Variants in INPP5F observed in about 807,000 individuals in gnomAD.
The protein encoded by INPP5F is phosphatidylinositide 4-phosphatase SAC2.
INPP5F carries 97 observed loss-of-function variants against 137.2 expected under a neutral mutation model. That is an observed-to-expected ratio of 0.71 (90% CI 0.60 to 0.84). The LOEUF (loss-of-function observed/expected upper bound fraction) is 0.84, where lower values mean the gene tolerates loss of function less well. INPP5F is among the 40% of genes least tolerant of loss of function. INPP5F has a pLI of 0.00. For missense variants in INPP5F, 1,271 were observed against 1,371.9 expected, an observed-to-expected ratio of 0.93 and a Z score of 1.16; for synonymous variants, 504 against 476.9, an observed-to-expected ratio of 1.06 and a Z score of -0.74.
At chr10:119,785,571 A>AGAGG (rs1386851921) in intron 3 of INPP5F, among the ~76,000 whole-genome samples, 11 of 151,220 alleles carry the variant, frequency 7.3e-5, no homozygotes, top group Admixed American at 7.2e-4. Context: ...AGAGAGAGAG[A>AGAGG]GAGAGAGACT....
chr10:119,803,906 T>A (rs1589733975), intron 9 of INPP5F, among the ~76,000 whole-genome samples: 1 of 152,352 alleles, frequency 6.6e-6, no homozygotes, highest in African/African-American at 2.4e-5. Context: ...TATTTCATTC[T>A]AATTGGTTAT....
At chr10:119,824,015 A>AT (rs1851668130) in intron 19 of INPP5F, 113 bp downstream of exon 19, 1 of 689,140 alleles carries the variant, frequency 1.5e-6, no homozygotes, top group African/African-American at 1.8e-5. Flanking sequence ...AGGTGTTGGT[A>AT]TTTAGAGAGG....
At chr10:119,756,390 C>G (rs917210888) in intron 2 of INPP5F, among the ~76,000 whole-genome samples, 5 of 152,084 alleles carry the variant, frequency 3.3e-5, no homozygotes, top group African/African-American at 1.2e-4. Context: ...AATCCCAGCA[C>G]TTTGGGAGGT....
chr10:119,779,593 A>C (rs1009567984), intron 2 of INPP5F, among the ~76,000 whole-genome samples: 2 of 151,462 alleles, frequency 1.3e-5, no homozygotes, highest in South Asian at 4.2e-4. Context: ...CTAATTCTTT[A>C]ATTTTTTGTA....
chr10:119,785,286 G>GTTGTTTTTTTTTTTTTTTTTT (rs770290302), intron 3 of INPP5F, among the ~76,000 whole-genome samples: 4 of 106,236 alleles, frequency 3.8e-5, no homozygotes, highest in African/African-American at 1.5e-4. Context: ...CTGCCAGACT[G>GTTGTTTTTTTTTTTTTTTTTT]TTTTTTTTTT....
At chr10:119,797,422 T>C (rs910715167) in intron 7 of INPP5F, 39 bp from the exon 8 acceptor site, 2 of 1,488,526 alleles carry the variant, frequency 1.3e-6, no homozygotes, top group Non-Finnish European at 1.8e-6. Context: ...AAATAAATTT[T>C]TTAAAATGTT....
intron 2 of INPP5F, among the ~76,000 whole-genome samples, chr10:119,753,077 A>T (rs532937421): frequency 6.6e-6 from 1 of 152,298 alleles, no homozygotes; most frequent in Admixed American, 6.5e-5. Context: ...GTAACCATGT[A>T]ACCAAGTATT....
chr10:119,754,812 G>GC (rs1848790634), intron 2 of INPP5F, among the ~76,000 whole-genome samples: 1 of 151,504 alleles, frequency 6.6e-6, no homozygotes, highest in Non-Finnish European at 1.5e-5. Flanking sequence ...TCCTCTCCCT[G>GC]CCCCCGATTA....
rs759434252 is a variant in INPP5F at position 119,827,636 on chromosome 10, C to G, written c.3255C>G (p.Thr1085=). The change falls in exon 20 of 20, where the codon ACC becomes ACG. Residue 1085 remains threonine (T), a synonymous_variant. Transcript: ENST00000650623. ...RSSMVQVASI[T]QAGLTHGINF... ...CCATGGTCCAGGTTGCTAGTATTAC[C>G]CAAGCTGGATTAACCCATGGGATAA... 13 of 1,613,978 alleles carry G rather than the reference C, an allele frequency of 8.1e-6. No individual in the cohort carries two copies. In the African/African-American group the frequency reaches 1.3e-4, roughly 17 times the overall value.
Position 119,792,341 on chromosome 10 carries a change from G to A in INPP5F, c.669+128G>A, listed in dbSNP as rs913691512. The A allele has an allele frequency of 2.0e-4, 140 of 703,822 alleles. 1 individual carries two copies. The highest frequency in any genetic ancestry group is 3.0e-4 in the Non-Finnish European group (130 of 428,440). 43.6% of individuals were successfully genotyped at this position (703,822 alleles called of 1,614,324 possible). On this transcript the variant is annotated intron_variant, in intron 6 of 19. Coordinates refer to ENST00000650623, the MANE Select transcript of INPP5F (RefSeq NM_014937.4). Reference sequence around the variant, plus strand: ...AAGATACATTTTTAAAGATCACTACGTTTTCCCCTATGGAATGGGAATCAT... The same window carrying A: ...AAGATACATTTTTAAAGATCACTACATTTTCCCCTATGGAATGGGAATCAT...
intron 2 of INPP5F, among the ~76,000 whole-genome samples, chr10:119,765,664 G>A (rs960945751): frequency 6.0e-5 from 9 of 150,708 alleles, no homozygotes; most frequent in African/African-American, 2.2e-4. Flanking sequence ...TTACGGGTGT[G>A]AGCCACTGTG....
At chr10:119,825,794 C>T (rs376468225) in intron 19 of INPP5F, among the ~76,000 whole-genome samples, 35 of 152,196 alleles carry the variant, frequency 2.3e-4, no homozygotes, top group African/African-American at 3.9e-4. Context: ...GCCATTTGGC[C>T]GGAAGAAAAT....
At chr10:119,816,188 T>TG (rs1230472124) in intron 15 of INPP5F, 1 of 152,508 alleles carries the variant, frequency 6.6e-6, no homozygotes, top group East Asian at 1.9e-4. Context: ...GGGTTTAGGC[T>TG]GGGGCACAGG....
intron 18 of INPP5F, 43 bp from the exon 19 acceptor site, chr10:119,823,772 A>T (rs778277404): frequency 2.7e-6 from 4 of 1,456,082 alleles, no homozygotes; most frequent in Admixed American, 3.6e-5. Flanking sequence ...TTTTTTTAGT[A>T]TGTTTATGGA....
At position 119,804,221 on chromosome 10, in the gene INPP5F, G is replaced by A. The variant is rs754521830; in HGVS notation, c.1165G>A (p.Asp389Asn). 5.0e-6 allele frequency: 8 copies of A among 1,611,282 alleles called. No homozygotes were observed. Among genetic ancestry groups the A allele is most frequent in the African/African-American group, 1.3e-5 (1 of 74,978 alleles). ...DQAGREKIIG[D>N]AYLKQVLLFN... ...GGCAGGAAGAGAGAAGATTATTGGCGATGCTTACCTGAAGCAAGTGTTGCT... is the reference window on the plus strand; with the variant it reads ...GGCAGGAAGAGAGAAGATTATTGGCAATGCTTACCTGAAGCAAGTGTTGCT... Residue 389 changes from aspartate to asparagine, a missense_variant, in exon 10 of 20, where the codon GAT becomes AAT. By Grantham distance (23) the Asp-to-Asn change is conservative. Transcript: ENST00000650623.
chr10:119,785,387 A>G (rs1849859661), intron 3 of INPP5F, among the ~76,000 whole-genome samples: 1 of 147,960 alleles, frequency 6.8e-6, no homozygotes, highest in South Asian at 2.2e-4. Flanking sequence ...CCGGGTTCAA[A>G]CGATTCTCCT....
At chr10:119,786,789 G>A (rs1849935174) in intron 3 of INPP5F, among the ~76,000 whole-genome samples, 1 of 151,920 alleles carries the variant, frequency 6.6e-6, no homozygotes, top group African/African-American at 2.4e-5. Context: ...AAAGTGCTGG[G>A]GATTATAGGT....
At chr10:119,747,556 A>T (rs1429799639) in intron 1 of INPP5F, among the ~76,000 whole-genome samples, 1 of 152,240 alleles carries the variant, frequency 6.6e-6, no homozygotes, top group Admixed American at 6.5e-5. Flanking sequence ...TCAAAAAAGA[A>T]ATTCATATGC....
At chr10:119,729,487 A>G (rs559380168) in intron 1 of INPP5F, among the ~76,000 whole-genome samples, 3 of 152,098 alleles carry the variant, frequency 2.0e-5, no homozygotes, top group African/African-American at 7.2e-5. Context: ...ATTGGAGTGG[A>G]AAATCTCTGT....
Sources: gnomAD v4.1 joint callset for allele counts (sites outside exome capture counted in the v4.1 genomes callset) on GRCh38, gnomAD v4.1.1 for gene constraint, MANE v1.5 for transcripts, NCBI Gene and HGNC (gene_info 2026-07-23, HGNC 2026-07-21) for gene names.